Variants in EGFLAM observed in about 807,000 individuals in gnomAD.
The protein encoded by EGFLAM is EGF like, fibronectin type III and laminin G domains.
Under a neutral mutation model 113.1 loss-of-function variants are expected in EGFLAM, and 79 were observed. The ratio of observed to expected loss-of-function variants is 0.70; its 90% CI spans 0.58 to 0.84. The LOEUF is 0.84. Among genes scored for constraint, EGFLAM ranks in the 40% least tolerant of loss-of-function variants. The pLI, the probability that EGFLAM is intolerant of heterozygous loss-of-function variation, is 0.00. For missense variants in EGFLAM, 1,265 were observed against 1,291.6 expected, an observed-to-expected ratio of 0.98 and a Z score of 0.32; for synonymous variants, 504 against 487.6, an observed-to-expected ratio of 1.03 and a Z score of -0.44.
chr5:38,373,998 G>A (rs1469050244), intron 6 of EGFLAM, among the ~76,000 whole-genome samples: 2 of 152,182 alleles, frequency 1.3e-5, no homozygotes, highest in Admixed American at 6.5e-5. Flanking sequence ...GATGGGATAA[G>A]CCCAGCGTGT....
At chr5:38,296,963 G>A (rs984291570) in intron 1 of EGFLAM, among the ~76,000 whole-genome samples, 9 of 151,616 alleles carry the variant, frequency 5.9e-5, no homozygotes, top group African/African-American at 1.9e-4. Flanking sequence ...CCAAATTGAG[G>A]GATATTTTAC....
intron 6 of EGFLAM, among the ~76,000 whole-genome samples, chr5:38,395,938 C>A (rs1166488087): frequency 1.3e-5 from 2 of 152,102 alleles, no homozygotes; most frequent in Non-Finnish European, 2.9e-5. Flanking sequence ...CATAAGGACA[C>A]AAACGTGTGT....
At chr5:38,430,053 G>T in intron 14 of EGFLAM, 1 of 227,238 alleles carries the variant, frequency 4.4e-6, no homozygotes, top group South Asian at 7.1e-5. Flanking sequence ...GTGGCTGTAG[G>T]GGCAATCTGA....
chr5:38,290,213 T>A (rs756706403), intron 1 of EGFLAM, among the ~76,000 whole-genome samples: 15 of 152,294 alleles, frequency 9.8e-5, no homozygotes, highest in Non-Finnish European at 1.9e-4. Context: ...CTGCAGACCC[T>A]CTGAGAGCCT....
chr5:38,319,241 A>G (rs1192583228), intron 1 of EGFLAM, among the ~76,000 whole-genome samples: 1 of 152,038 alleles, frequency 6.6e-6, no homozygotes, highest in Non-Finnish European at 1.5e-5. Context: ...CCTGGTCCCA[A>G]CCAAGACAGG....
chr5:38,338,818 T>C (rs368861378), intron 3 of EGFLAM, 37 bp downstream of exon 3: 10 of 1,570,064 alleles, frequency 6.4e-6, no homozygotes, highest in African/African-American at 5.4e-5. Flanking sequence ...CTCAAAAGCA[T>C]GTGGGCACTA....
intron 1 of EGFLAM, among the ~76,000 whole-genome samples, chr5:38,295,183 ATGAAGCTCATGC>A (rs141723606): frequency 0.04 from 6,116 of 152,288 alleles, 422 homozygotes; most frequent in African/African-American, 0.14. Flanking sequence ...CATGCTTGTA[ATGAAGCTCATGC>A]TGATGGCAAC....
intron 17 of EGFLAM, among the ~76,000 whole-genome samples, chr5:38,439,758 T>C (rs1179014994): frequency 6.6e-6 from 1 of 152,222 alleles, no homozygotes. Context: ...AGCTAATAGG[T>C]TGTACTTACA....
intron 12 of EGFLAM, among the ~76,000 whole-genome samples, chr5:38,419,763 C>A (rs1561081697): frequency 6.6e-6 from 1 of 152,194 alleles, no homozygotes; most frequent in Admixed American, 6.5e-5. Flanking sequence ...GCACAGTGCT[C>A]ATGCCTGTAA....
chr5:38,395,516 A>G (rs1036887751), intron 6 of EGFLAM, among the ~76,000 whole-genome samples: 1 of 152,112 alleles, frequency 6.6e-6, no homozygotes, highest in Admixed American at 6.5e-5. Flanking sequence ...TTTGTCTTTA[A>G]AGAGTGAGAA....
intron 6 of EGFLAM, among the ~76,000 whole-genome samples, chr5:38,394,412 ATT>A (rs11438127): frequency 7.1e-6 from 1 of 140,642 alleles, no homozygotes. Flanking sequence ...TAGTAACCAC[ATT>A]TTTTTTTTTT....
intron 4 of EGFLAM, among the ~76,000 whole-genome samples, chr5:38,351,659 G>A (rs972824847): frequency 3.3e-5 from 5 of 152,102 alleles, no homozygotes; most frequent in Non-Finnish European, 5.9e-5. Flanking sequence ...TGGGATCATG[G>A]GTGACTCCTG....
At chr5:38,459,657 T>G (rs1374403794) in intron 20 of EGFLAM, among the ~76,000 whole-genome samples, 1 of 151,972 alleles carries the variant, frequency 6.6e-6, no homozygotes, top group Non-Finnish European at 1.5e-5. Context: ...AAGTCATGAG[T>G]GAGGCCTGGG....
chr5:38,356,317 A>G (rs1269870604), intron 5 of EGFLAM, among the ~76,000 whole-genome samples: 3 of 152,080 alleles, frequency 2.0e-5, no homozygotes, highest in Non-Finnish European at 4.4e-5. Context: ...CAGAACCCCT[A>G]TTTCCTCTTC....
intron 5 of EGFLAM, among the ~76,000 whole-genome samples, chr5:38,356,052 G>A (rs938248858): frequency 2.0e-5 from 3 of 152,170 alleles, no homozygotes; most frequent in East Asian, 3.8e-4. Flanking sequence ...GAGCCACTGC[G>A]CCTGGCTTCT....
intron 5 of EGFLAM, among the ~76,000 whole-genome samples, chr5:38,368,008 T>G (rs1740108156): frequency 6.6e-6 from 1 of 152,252 alleles, no homozygotes; most frequent in South Asian, 2.1e-4. Flanking sequence ...AATCATCTTT[T>G]TGTTTTGCTG....
intron 1 of EGFLAM, among the ~76,000 whole-genome samples, chr5:38,268,646 C>T (rs1561255590): frequency 1.3e-5 from 2 of 152,246 alleles, no homozygotes; most frequent in East Asian, 3.9e-4. Context: ...TTATACGTGG[C>T]AGAATTTGAC....
At chr5:38,369,687 C>T (rs1332836238) in intron 5 of EGFLAM, among the ~76,000 whole-genome samples, 1 of 152,182 alleles carries the variant, frequency 6.6e-6, no homozygotes, top group African/African-American at 2.4e-5. Flanking sequence ...AGCTCATCCT[C>T]CCGCCTTCTG....
intron 11 of EGFLAM, among the ~76,000 whole-genome samples, chr5:38,415,077 T>C (rs1229556742): frequency 1.3e-5 from 2 of 152,186 alleles, no homozygotes; most frequent in Non-Finnish European, 2.9e-5. Context: ...TAAGAATTAA[T>C]TGAGCCAGGC....
Sources: allele counts gnomAD v4.1 joint callset (sites outside exome capture counted in the v4.1 genomes callset), GRCh38; gene constraint gnomAD v4.1.1; transcripts MANE v1.5; gene names NCBI Gene and HGNC (gene_info 2026-07-23, HGNC 2026-07-21).